Variants in CDHR5 observed in about 807,000 individuals in gnomAD.
CDHR5 encodes the protein cadherin related family member 5.
A neutral mutation model predicts 69.5 loss-of-function variants in CDHR5; 82 were observed. That is an observed-to-expected ratio of 1.18 (90% CI 0.99 to 1.42). CDHR5 has a LOEUF of 1.42. Ranked by LOEUF, CDHR5 falls within the 40% of genes most tolerant of loss-of-function variation. CDHR5 has a pLI of 0.00. For synonymous variants in CDHR5, 601 were observed against 510.2 expected (o/e 1.18, Z -2.40); for missense variants, 1,293 against 1,168.9 (o/e 1.11, Z -1.55).
intron 3 of CDHR5, among the ~76,000 whole-genome samples, chr11:623,233 C>T (rs187335708): frequency 2.5e-4 from 38 of 152,248 alleles, no homozygotes; most frequent in Non-Finnish European, 3.7e-4. Flanking sequence ...CGCTTGGACC[C>T]GGGAGGCGGA....
chr11:620,772 C>T (rs377016120), intron 7 of CDHR5, among the ~76,000 whole-genome samples: 1 of 152,084 alleles, frequency 6.6e-6, no homozygotes, highest in Admixed American at 6.5e-5. Flanking sequence ...CCAGTGGTGA[C>T]TGTGAGCAGG....
At position 620,296 on chromosome 11, in the gene CDHR5, C is replaced by A; in HGVS notation, c.880G>T (p.Gly294Ter). 6.2e-7 allele frequency: 1 copy of A among 1,610,308 alleles called. No homozygotes were observed. The highest frequency in any genetic ancestry group is 8.5e-7 in the Non-Finnish European group (1 of 1,177,640). The change falls in exon 8 of 15, where the codon GGA (glycine) becomes TGA (stop). Residue 294 changes from glycine to a stop codon, truncating the protein, a stop_gained and splice_region_variant. Transcript: ENST00000397542. LOFTEE classifies it high-confidence loss of function. ...NQPIIYSIFR[G>*]NVNGTFIIHP... ...TTGTTGAGGGCTGGGCCCCACTCAC[C>A]CCTAAAGATGCTGTAGATGATGGGC...
rs1000029513 is a variant in CDHR5, at chr11:624,305, A to G, written c.262-42T>C. The G allele has an allele frequency of 1.3e-6, 1 of 743,652 alleles. No individual in the cohort carries two copies. Among genetic ancestry groups the G allele is most frequent in the Non-Finnish European group, 2.5e-6 (1 of 399,630 alleles). 46.1% of individuals were successfully genotyped at this position (743,652 alleles called of 1,614,324 possible). On this transcript the variant is annotated intron_variant, in intron 2 of 14. Transcript: ENST00000397542. This position sits in a 1 kb window ranked among gnomAD's most constrained non-coding sequence, Gnocchi z 5.3. ...GTCTGCAGTCACCGTCCTGCCCCAC[A>G]GGTGGGGAGACTGAGGCCAAGTGGG... is the stretch of plus-strand genomic sequence containing the variant.
At position 617,359 on chromosome 11, in the gene CDHR5, A is replaced by C; in HGVS notation, c.2530T>G (p.Tyr844Asp). Residue 844 changes from tyrosine to aspartate, a missense_variant, in exon 15 of 15, where the codon TAC (tyrosine) becomes GAC (aspartate). Physicochemically the swap from Tyr to Asp is radical, Grantham distance 160. Transcript: ENST00000397542. ...GAGGGTGGAGGGGCCACTTAGATGT[A>C]GGAGTCATCACCACCGGGCGCATCG... is the stretch of plus-strand genomic sequence containing the variant. ...PYDAPGGDDS[Y>D]I 1 of 1,602,332 alleles carries C rather than the reference A, an allele frequency of 6.2e-7. No individual in the cohort carries two copies. The highest frequency in any genetic ancestry group is 8.5e-7 in the Non-Finnish European group (1 of 1,172,606).
In CDHR5 at chr11:621,243, G is replaced by A. The variant is rs774600340; in HGVS notation, c.626C>T (p.Pro209Leu). The A allele has an allele frequency of 3.5e-5, 56 of 1,599,662 alleles. No homozygotes were observed. The highest frequency in any genetic ancestry group is 4.0e-5 in the Non-Finnish European group (47 of 1,171,394). Residue 209 changes from proline to leucine, a missense_variant, in exon 7 of 15, where the codon CCG becomes CTG. Coordinates refer to ENST00000397542, the MANE Select transcript of CDHR5 (RefSeq NM_021924.5). This position sits in a 1 kb window ranked among gnomAD's most constrained non-coding sequence, Gnocchi z 4.4. ...MTFWLLVRDT[P>L]GENVEPSHTA... ...GTGGCTGGGTTCCACATTCTCCCCC[G>A]GAGTGTCCTGCAACAGACGGCTGTG...
Position 617,592 on chromosome 11 carries a change from C to G in CDHR5, c.2297G>C (p.Arg766Pro). The G allele has an allele frequency of 6.2e-7, 1 of 1,607,856 alleles. No individual in the cohort carries two copies. Among genetic ancestry groups the G allele is most frequent in the Non-Finnish European group, 8.5e-7 (1 of 1,177,484 alleles). The change falls in exon 15 of 15, where the codon CGA (arginine) becomes CCA (proline). Residue 766 changes from arginine (R) to proline (P), a missense_variant. Transcript: ENST00000397542. ...CACCGCCGTGGGGCTTCCGCCAGCT[C>G]GGGCCGCTGCGGGGGGCTCAGGGGC... ...GGAPEPPAAA[R>P]AGGSPTAVRS...
At chr11:620,634 T>G (rs1166693987) in intron 7 of CDHR5, among the ~76,000 whole-genome samples, 1 of 152,198 alleles carries the variant, frequency 6.6e-6, no homozygotes, top group Non-Finnish European at 1.5e-5. Context: ...GCACAAGGCT[T>G]GTCTTGACGG....
At position 617,393 on chromosome 11, in the gene CDHR5, C is replaced by T; in HGVS notation, c.2496G>A (p.Gly832=). The T allele has an allele frequency of 1.9e-6, 3 of 1,610,386 alleles. No homozygotes were observed. Among genetic ancestry groups the T allele is most frequent in the East Asian group, 2.2e-5 (1 of 44,848 alleles). The change falls in exon 15 of 15, where the codon GGG becomes GGA. Residue 832 remains glycine (G), a synonymous_variant. Coordinates refer to ENST00000397542, the MANE Select transcript of CDHR5 (RefSeq NM_021924.5). ...GDEGEGAGRG[G]GPYDAPGGDD... ...CACCACCGGGCGCATCGTAGGGACCCCCACCCCTCCCCGCGCCCTCGCCCT... is the reference window on the plus strand; with the variant it reads ...CACCACCGGGCGCATCGTAGGGACCTCCACCCCTCCCCGCGCCCTCGCCCT...
rs575024764 is a variant in CDHR5 at position 618,294 on chromosome 11, C to A, written c.1961-183G>T. On this transcript the variant is annotated intron_variant, in intron 13 of 14. Transcript: ENST00000397542. ...TGTGTCCCATCGAGACCCTGCCCAC[C>A]CCCTCCCCCCCGGGAGGCCAAGCTG... Among the ~76,000 whole-genome samples the A allele has an allele frequency of 9.8e-4, 150 of 152,338 alleles. 2 individuals are homozygous for A. Among genetic ancestry groups the A allele is most frequent in the Non-Finnish European group, 1.9e-3 (130 of 68,014 alleles).
Position 619,196 on chromosome 11 carries a change from A to G in CDHR5, c.1379-16T>C, listed in dbSNP as rs373675092. 57 of 1,503,338 alleles carry G rather than the reference A, an allele frequency of 3.8e-5. No individual in the cohort carries two copies. The African/African-American group carries it at 7.1e-4, about 19-fold the overall frequency. The allele number at this position is 1,503,338 out of a possible 1,614,324, so 93.1% of individuals were successfully genotyped here. On this transcript the variant is annotated splice_polypyrimidine_tract_variant and intron_variant, in intron 12 of 14. Coordinates refer to ENST00000397542, the MANE Select transcript of CDHR5 (RefSeq NM_021924.5). ...GGGGGGACATCTGGGGGCCGGGAAC[A>G]GTGCTTGGGCTTGCCTCTGCCCGCC...
In CDHR5 at chr11:617,585, G is replaced by A. The variant is rs564520780; in HGVS notation, c.2304C>T (p.Gly768=). 67 of 1,609,524 alleles carry A rather than the reference G, an allele frequency of 4.2e-5. 3 individuals are homozygous for A. The South Asian group carries it at 6.1e-4, about 15-fold the overall frequency. Residue 768 remains glycine (G), a synonymous_variant, in exon 15 of 15, where the codon GGC becomes GGT. Transcript: ENST00000397542. ...APEPPAAARA[G]GSPTAVRSIL... is the part of the protein sequence containing the mutation. ...TGGACCTCACCGCCGTGGGGCTTCC[G>A]CCAGCTCGGGCCGCTGCGGGGGGCT...
In CDHR5 at chr11:619,545, G is replaced by T; in HGVS notation, c.1222C>A (p.His408Asn). 1 of 1,614,010 alleles carries T rather than the reference G, an allele frequency of 6.2e-7. No homozygotes were observed. The highest frequency in any genetic ancestry group is 1.1e-5 in the South Asian group (1 of 91,086). ...AITYRITNHS[H>N]FRMEGEVVLT... Reference sequence around the variant, plus strand: ...ACAACCTCTCCCTCCATCCGGAAGTGTGAGTGGTTGGTAATTCGATATGTG... The same window carrying T: ...ACAACCTCTCCCTCCATCCGGAAGTTTGAGTGGTTGGTAATTCGATATGTG... Residue 408 changes from histidine to asparagine, a missense_variant, in exon 11 of 15, where the codon CAC becomes AAC. By Grantham distance (68) the His-to-Asn change is moderately conservative. Coordinates refer to ENST00000397542, the MANE Select transcript of CDHR5 (RefSeq NM_021924.5).
In CDHR5 at chr11:617,419, C is replaced by T. The variant is rs1393278064; in HGVS notation, c.2470G>A (p.Glu824Lys). 4.3e-6 allele frequency: 7 copies of T among 1,612,002 alleles called. No homozygotes were observed. The highest frequency in any genetic ancestry group is 3.3e-5 in the Admixed American group (2 of 59,966). ...DGASDSGSGD[E>K]GEGAGRGGGP... ...CCACCCCTCCCCGCGCCCTCGCCCTCATCGCCGCTGCCGGAGTCACTGGCG... is the reference window on the plus strand; with the variant it reads ...CCACCCCTCCCCGCGCCCTCGCCCTTATCGCCGCTGCCGGAGTCACTGGCG... The change falls in exon 15 of 15, where the codon GAG becomes AAG. Residue 824 changes from glutamate to lysine, a missense_variant. Transcript: ENST00000397542.
rs1424653117 is a variant in CDHR5 at position 621,289 on chromosome 11, G to A, written c.619-39C>T. The A allele has an allele frequency of 5.6e-6, 9 of 1,610,496 alleles. No homozygotes were observed. The highest frequency in any genetic ancestry group is 2.2e-5 in the South Asian group (2 of 90,846). On this transcript the variant is annotated intron_variant, in intron 6 of 14. Coordinates refer to ENST00000397542, the MANE Select transcript of CDHR5 (RefSeq NM_021924.5). This position sits in a 1 kb window ranked among gnomAD's most constrained non-coding sequence, Gnocchi z 4.4. ...CTGTGCTGGATCAGGCCTGGGAGCA[G>A]CTGGGGCCGGGGGGCCTCAAGTGTG...
At chr11:620,959 G>A (rs552754838) in intron 7 of CDHR5, 121 bp downstream of exon 7, 11 of 690,458 alleles carry the variant, frequency 1.6e-5, no homozygotes, top group Admixed American at 3.4e-5. Flanking sequence ...TCAAAATCAC[G>A]ACCGAAATCG....
rs575687624 is a variant in CDHR5, at chr11:617,673, G to A, written c.2216C>T (p.Ala739Val). Residue 739 changes from alanine (A) to valine (V), a missense_variant, in exon 15 of 15, where the codon GCG (alanine) becomes GTG (valine). By Grantham distance (64) the Ala-to-Val change is moderately conservative. Transcript: ENST00000397542. ...GGGCTCTGCGGGCATCGGTGCCTCC[G>A]CGGGCTTGGGGTCGTGCGTGGGGCT... is the stretch of plus-strand genomic sequence containing the variant. ...VPSPTHDPKPAEAPMPAEPAP... is the reference protein window; with the variant it reads ...VPSPTHDPKPVEAPMPAEPAP... The A allele has an allele frequency of 1.1e-5, 17 of 1,496,322 alleles. No homozygotes were observed. The highest frequency in any genetic ancestry group is 4.6e-5 in the Admixed American group (2 of 43,042). 92.7% of individuals were successfully genotyped at this position (1,496,322 alleles called of 1,614,324 possible).
In CDHR5 at chr11:621,101, A is replaced by G. The variant is rs766065671; in HGVS notation, c.768T>C (p.Ala256=). The change falls in exon 7 of 15, where the codon GCT becomes GCC. Residue 256 remains alanine (A), a synonymous_variant. Coordinates refer to ENST00000397542, the MANE Select transcript of CDHR5 (RefSeq NM_021924.5). This position sits in a 1 kb window ranked among gnomAD's most constrained non-coding sequence, Gnocchi z 4.4. ...TTACCAGTATGTGCCCCGTGGGGAC[A>G]GCCCCGTGGTACTGAGCTTGAATGC... is the stretch of plus-strand genomic sequence containing the variant. ...YVCIQAQYHG[A]VPTGHILPSP... is the part of the protein sequence containing the mutation. The G allele has an allele frequency of 4.5e-6, 7 of 1,549,968 alleles. No homozygotes were observed. The African/African-American group carries it at 8.2e-5, about 18-fold the overall frequency.
At position 619,830 on chromosome 11, in the gene CDHR5, C is replaced by G. The variant is rs1160726131; in HGVS notation, c.1030G>C (p.Ala344Pro). The G allele has an allele frequency of 6.4e-7, 1 of 1,571,790 alleles. No individual in the cohort carries two copies. Among genetic ancestry groups the G allele is most frequent in the East Asian group, 2.3e-5 (1 of 42,790 alleles). Residue 344 changes from alanine (A) to proline (P), a missense_variant, in exon 10 of 15, where the codon GCT becomes CCT. Coordinates refer to ENST00000397542, the MANE Select transcript of CDHR5 (RefSeq NM_021924.5). The stretch of plus-strand genomic sequence containing the variant: ...GGCGGGCTCCCGGCCGCAGCCACAG[C>G]CTCCACGGTGACCTGGGTCACTGAG... ...RYSVTQVTVE[A>P]VAAAGSPPRF... is the part of the protein sequence containing the mutation.
rs61732113 is a variant in CDHR5 at position 619,328 on chromosome 11, G to A, written c.1356C>T (p.Ser452=). 5.8e-5 allele frequency: 94 copies of A among 1,613,054 alleles called. 1 individual carries two copies. In the Middle Eastern group the frequency reaches 6.6e-4, roughly 11 times the overall value. The change falls in exon 12 of 15, where the codon TCC becomes TCT. Residue 452 remains serine, a synonymous_variant. Coordinates refer to ENST00000397542, the MANE Select transcript of CDHR5 (RefSeq NM_021924.5). ...TATTVIEIQV[S]EQEPPSTDVP... is the part of the protein sequence containing the mutation. ...TACCTGTGGAGGGGGGCTCCTGTTC[G>A]GAAACTTGTATCTCAATGACTGTGG...
Sources: gnomAD v4.1 joint callset for allele counts (sites outside exome capture counted in the v4.1 genomes callset) on GRCh38, gnomAD v4.1.1 for gene constraint, Gnocchi (gnomAD v3.1) non-coding constraint, MANE v1.5 for transcripts, NCBI Gene and HGNC (gene_info 2026-07-23, HGNC 2026-07-21) for gene names.